Variants in TAFA2 observed in about 807,000 individuals in gnomAD.
TAFA2 encodes the protein TAFA chemokine like family member 2.
A neutral mutation model predicts 18.8 loss-of-function variants in TAFA2; 7 were observed. The observed-to-expected ratio is 0.37, with a 90% CI of 0.21 to 0.70. TAFA2 has a LOEUF of 0.70. TAFA2 is among the 30% of genes least tolerant of loss of function. The pLI is 0.53. For synonymous variants in TAFA2, 60 were observed against 54.2 expected (o/e 1.11, Z -0.47); for missense variants, 122 against 158.1 (o/e 0.77, Z 1.23).
Position 62,033,391 on chromosome 12 carries a change from C to T in TAFA2, c.-2+157868G>A, listed in dbSNP as rs1414795139. 2.6e-5 allele frequency among the ~76,000 whole-genome samples: 4 copies of T among 152,090 alleles called. No homozygotes were observed. The East Asian group carries it at 5.8e-4, about 22-fold the overall frequency. ...TGCAGACCACTGACACAGACTACAT[C>T]GGCCCTTAGGAAGGAGGTTTGCTTT... On this transcript the variant is annotated intron_variant, in intron 1 of 4. Transcript: ENST00000416284.
intron 1 of TAFA2, chr12:62,070,394 A>C (rs977369957): frequency 2.0e-5 from 3 of 152,220 alleles, no homozygotes; most frequent in Non-Finnish European, 4.4e-5. Flanking sequence ...AATAACCACA[A>C]AAGCAATTAT....
chr12:61,868,705 A>G (rs867079951), intron 1 of TAFA2, among the ~76,000 whole-genome samples: 3 of 152,126 alleles, frequency 2.0e-5, no homozygotes, highest in South Asian at 2.1e-4. Flanking sequence ...AAAATAAATT[A>G]TATATTATGT....
intron 2 of TAFA2, among the ~76,000 whole-genome samples, chr12:61,760,489 T>C (rs756322293): frequency 6.6e-6 from 1 of 151,290 alleles, no homozygotes; most frequent in Non-Finnish European, 1.5e-5. Context: ...TTCTTATTTG[T>C]CTGCTGTATA....
At chr12:61,790,927 C>A (rs1380020277) in intron 2 of TAFA2, among the ~76,000 whole-genome samples, 1 of 151,626 alleles carries the variant, frequency 6.6e-6, no homozygotes, top group African/African-American at 2.4e-5. Context: ...GAGGGGAAAA[C>A]CTAGAGGCAT....
At chr12:62,152,316 C>T (rs1187561350) in intron 1 of TAFA2, among the ~76,000 whole-genome samples, 3 of 152,144 alleles carry the variant, frequency 2.0e-5, no homozygotes, top group Non-Finnish European at 4.4e-5. Flanking sequence ...ACAGATAAAA[C>T]AGCACAGGCA....
intron 4 of TAFA2, among the ~76,000 whole-genome samples, chr12:61,724,873 T>C (rs575057780): frequency 1.4e-5 from 2 of 143,826 alleles, no homozygotes; most frequent in African/African-American, 5.3e-5. Flanking sequence ...ACATCTACTT[T>C]TAGTTCTTAT....
intron 1 of TAFA2, among the ~76,000 whole-genome samples, chr12:62,243,989 T>C (rs1338492437): frequency 6.6e-6 from 1 of 152,078 alleles, no homozygotes; most frequent in South Asian, 2.1e-4. Context: ...AGGGTCTCAC[T>C]ATGTTGCCCA....
rs1423613908 is a variant in TAFA2 at position 61,912,934 on chromosome 12, GT to G, written c.-1-45509del. 2.0e-5 allele frequency among the ~76,000 whole-genome samples: 3 copies of G among 152,134 alleles called. No homozygotes were observed. In the East Asian group the frequency reaches 5.8e-4, roughly 29 times the overall value. On this transcript the variant is annotated intron_variant, in intron 1 of 4. Transcript: ENST00000416284. ...CAGCCCTCTAGGTCTGGGTCATAGAGTTAAAAATGTATAGAATCCACACTGG... is the reference window on the plus strand; with the variant it reads ...CAGCCCTCTAGGTCTGGGTCATAGAGTAAAAATGTATAGAATCCACACTGG...
At chr12:61,821,585 A>G (rs919259848) in intron 2 of TAFA2, among the ~76,000 whole-genome samples, 22 of 152,086 alleles carry the variant, frequency 1.4e-4, no homozygotes, top group South Asian at 6.2e-4. Context: ...GAGCTGTCCT[A>G]GGAAACTGTC....
chr12:62,209,636 A>G (rs1245646), intron 1 of TAFA2, among the ~76,000 whole-genome samples: 80,877 of 152,036 alleles, frequency 0.53, 22,284 homozygotes, highest in East Asian at 0.7. Flanking sequence ...AATAGATATT[A>G]GCAATACCTA....
intron 1 of TAFA2, among the ~76,000 whole-genome samples, chr12:62,018,624 G>T (rs2359871): frequency 2.6e-5 from 4 of 152,106 alleles, no homozygotes; most frequent in Admixed American, 6.5e-5. Context: ...TAGCCATATG[G>T]AGAAAGCTGA....
intron 1 of TAFA2, among the ~76,000 whole-genome samples, chr12:62,008,476 T>C (rs1283586815): frequency 6.6e-6 from 1 of 152,188 alleles, no homozygotes; most frequent in Non-Finnish European, 1.5e-5. Context: ...TGTGTAAGTA[T>C]ATGCTAGTAC....
chr12:61,923,755 A>G (rs1877158768), intron 1 of TAFA2, among the ~76,000 whole-genome samples: 1 of 152,096 alleles, frequency 6.6e-6, no homozygotes, highest in Admixed American at 6.5e-5. Context: ...AACTGACAGA[A>G]GTAGGCTTCA....
intron 2 of TAFA2, among the ~76,000 whole-genome samples, chr12:61,806,343 C>T (rs755956387): frequency 2.4e-4 from 36 of 152,130 alleles, no homozygotes; most frequent in Non-Finnish European, 5.1e-4. Context: ...CCTGCACAAG[C>T]TCTCTTCTCT....
chr12:62,023,280 G>C (rs1028242432), intron 1 of TAFA2, among the ~76,000 whole-genome samples: 3 of 152,104 alleles, frequency 2.0e-5, no homozygotes, highest in Admixed American at 2.0e-4. Flanking sequence ...GTGTGGACAA[G>C]AGGTGGACCT....
chr12:62,008,025 T>C (rs1450038186), intron 1 of TAFA2, among the ~76,000 whole-genome samples: 1 of 152,140 alleles, frequency 6.6e-6, no homozygotes, highest in African/African-American at 2.4e-5. Flanking sequence ...CCTCTCTACT[T>C]CTATGAGATC....
At chr12:61,976,975 AATAAAC>A in intron 1 of TAFA2, among the ~76,000 whole-genome samples, 1 of 152,110 alleles carries the variant, frequency 6.6e-6, no homozygotes, top group African/African-American at 2.4e-5. Flanking sequence ...ATAGTGCCGT[AATAAAC>A]ATACATGTGC....
At chr12:61,727,910 T>C (rs896358261) in intron 4 of TAFA2, among the ~76,000 whole-genome samples, 2 of 152,048 alleles carry the variant, frequency 1.3e-5, no homozygotes, top group South Asian at 4.1e-4. Context: ...ATAGGTTGTG[T>C]CACTATTATC....
At chr12:62,255,092 G>T (rs1313678568) in intron 1 of TAFA2, 1 of 151,988 alleles carries the variant, frequency 6.6e-6, no homozygotes, top group Non-Finnish European at 1.5e-5. Context: ...AAAGTAAAAC[G>T]GATCAAGTAT....
Sources: gnomAD v4.1 joint callset for allele counts (sites outside exome capture counted in the v4.1 genomes callset) on GRCh38, gnomAD v4.1.1 for gene constraint, MANE v1.5 for transcripts, NCBI Gene and HGNC (gene_info 2026-07-23, HGNC 2026-07-21) for gene names.